TGM4: variants seen among roughly 807,000 people sequenced by gnomAD.
TGM4 encodes transglutaminase 4.
TGM4 carries 61 observed loss-of-function variants against 76.3 expected under a neutral mutation model. That is an observed-to-expected ratio of 0.80 (90% CI 0.65 to 0.99). The LOEUF (loss-of-function observed/expected upper bound fraction) is 0.99. Ranked by LOEUF, TGM4 falls within the 50% of genes least tolerant of loss-of-function variation. The pLI, the probability that TGM4 is intolerant of heterozygous loss-of-function variation, is 0.00. For missense variants in TGM4, 794 were observed against 843.2 expected, an observed-to-expected ratio of 0.94 and a Z score of 0.72; for synonymous variants, 337 against 329.8, an observed-to-expected ratio of 1.02 and a Z score of -0.24.
intron 8 of TGM4, chr3:44,903,452 T>C (rs1231502372): frequency 1.3e-5 from 2 of 154,550 alleles, no homozygotes; most frequent in African/African-American, 2.4e-5. Flanking sequence ...ACAGTTGTAA[T>C]CTTTTACTAG....
chr3:44,903,932 C>T lies in TGM4; in HGVS notation c.1020C>T (p.Pro340=). The change falls in exon 9 of 14, where the codon CCC becomes CCT. Residue 340 remains proline (P), a synonymous_variant. Transcript: ENST00000296125. The part of the protein sequence containing the change: ...TDAWMKRPDL[P]KGYDGWQAVD... ...CCTGGATGAAGCGACCGGATCTGCC[C>T]AAGGGCTACGACGGCTGGCAGGCTG... 6.2e-7 allele frequency: 1 copy of T among 1,614,196 alleles called. No individual in the cohort carries two copies. The highest frequency in any genetic ancestry group is 8.5e-7 in the Non-Finnish European group (1 of 1,180,042).
intron 1 of TGM4, among the ~76,000 whole-genome samples, chr3:44,880,475 G>T (rs1699517310): frequency 6.6e-6 from 1 of 152,176 alleles, no homozygotes; most frequent in African/African-American, 2.4e-5. Flanking sequence ...AAGCACTCTG[G>T]GAAGGAGACT....
At chr3:44,889,388 G>A (rs1699658282) in intron 3 of TGM4, among the ~76,000 whole-genome samples, 1 of 151,972 alleles carries the variant, frequency 6.6e-6, no homozygotes, top group Non-Finnish European at 1.5e-5. Flanking sequence ...CACATCCTAT[G>A]TCAACCCTTT....
intron 9 of TGM4, among the ~76,000 whole-genome samples, chr3:44,906,337 C>T (rs779873422): frequency 5.9e-5 from 9 of 152,088 alleles, no homozygotes; most frequent in Non-Finnish European, 1.2e-4. Flanking sequence ...TTGTCAATGA[C>T]TAATAAGGGA....
chr3:44,885,466 C>A lies in TGM4; in HGVS notation c.161C>A (p.Ser54Tyr). The A allele has an allele frequency of 6.2e-7, 1 of 1,612,512 alleles. No individual in the cohort carries two copies. The highest frequency in any genetic ancestry group is 8.5e-7 in the Non-Finnish European group (1 of 1,179,528). ...LRLVLNQPLQ[S>Y]YHQLKLEFST... ...CTGGTGCTGAACCAGCCCCTACAAT[C>A]CTACCACCAACTGAAACTGGAATTC... is the stretch of plus-strand genomic sequence containing the variant. The change falls in exon 2 of 14, where the codon TCC (serine) becomes TAC (tyrosine). Residue 54 changes from serine (S) to tyrosine (Y), a missense_variant. Physicochemically the swap from Ser to Tyr is moderately radical, Grantham distance 144. Transcript: ENST00000296125.
intron 1 of TGM4, among the ~76,000 whole-genome samples, chr3:44,883,468 C>A (rs547749984): frequency 2.6e-5 from 4 of 152,324 alleles, no homozygotes; most frequent in South Asian, 2.1e-4. Context: ...GACTTCCCAG[C>A]CTCCAGAACT....
intron 1 of TGM4, among the ~76,000 whole-genome samples, chr3:44,883,444 G>A (rs1559609616): frequency 6.6e-6 from 1 of 152,194 alleles, no homozygotes; most frequent in African/African-American, 2.4e-5. Flanking sequence ...CCAGATGCTA[G>A]TGCCTTGATC....
At chr3:44,910,892 T>C (rs1345965227) in intron 11 of TGM4, 66 bp from the exon 12 acceptor site, 21 of 1,537,856 alleles carry the variant, frequency 1.4e-5, no homozygotes, top group Non-Finnish European at 1.9e-5. Context: ...CTGTGCTTGA[T>C]GAGGAGAACT....
intron 6 of TGM4, among the ~76,000 whole-genome samples, chr3:44,898,304 G>A (rs1312910048): frequency 2.0e-5 from 3 of 151,604 alleles, no homozygotes; most frequent in East Asian, 1.9e-4. Flanking sequence ...AAAAAGAAGC[G>A]GGGCGGGGGC....
chr3:44,903,577 C>T (rs1699882119), intron 8 of TGM4: 8 of 360,394 alleles, frequency 2.2e-5, no homozygotes, highest in East Asian at 5.5e-5. Context: ...AGTTCTGCTT[C>T]GAGTTCACCA....
chr3:44,891,578 A>G (rs139524198), intron 4 of TGM4, among the ~76,000 whole-genome samples: 43 of 152,248 alleles, frequency 2.8e-4, no homozygotes, highest in African/African-American at 9.1e-4. Context: ...AGTAAGTTAC[A>G]TATAAGTTGG....
chr3:44,878,222 A>G (rs912529538), intron 1 of TGM4, among the ~76,000 whole-genome samples: 1 of 151,828 alleles, frequency 6.6e-6, no homozygotes, highest in Admixed American at 6.6e-5. Context: ...AAATTTCAAG[A>G]CATGTGTGTG....
intron 11 of TGM4, 117 bp from the exon 12 acceptor site, chr3:44,910,841 C>A: frequency 8.4e-7 from 1 of 1,196,928 alleles, no homozygotes; most frequent in Non-Finnish European, 1.2e-6. Flanking sequence ...TGGGACATGT[C>A]CAAAGTTATC....
rs1186623947 is a variant in TGM4 at position 44,907,089 on chromosome 3, G to T, written c.1216G>T (p.Glu406Ter). ...WLVKMVNGQE[E>*]LHVISMETTS... ...GGTGAAGATGGTGAATGGGCAGGAG[G>T]AGTTACACGTAATTTCAATGGAGAC... The change falls in exon 10 of 14, where the codon GAG becomes TAG. Residue 406 changes from glutamate (E) to a stop codon, truncating the protein, a stop_gained. Transcript: ENST00000296125. LOFTEE classifies it high-confidence loss of function. 1 of 1,614,142 alleles carries T rather than the reference G, an allele frequency of 6.2e-7. No homozygotes were observed.
chr3:44,886,424 T>A (rs573465316), intron 2 of TGM4, among the ~76,000 whole-genome samples: 26 of 152,346 alleles, frequency 1.7e-4, no homozygotes, highest in Admixed American at 3.9e-4. Context: ...TTGCTCCTTC[T>A]CTGAGTGAAC....
intron 13 of TGM4, 36 bp downstream of exon 13, chr3:44,911,442 C>T: frequency 6.2e-7 from 1 of 1,610,820 alleles, no homozygotes; most frequent in Non-Finnish European, 8.5e-7. Flanking sequence ...AAATATGCTT[C>T]TGGACATATA....
chr3:44,881,390 A>T (rs572584354), intron 1 of TGM4, among the ~76,000 whole-genome samples: 4 of 152,330 alleles, frequency 2.6e-5, no homozygotes, highest in African/African-American at 9.6e-5. Flanking sequence ...CTTATAAAAG[A>T]ATACCTAAAA....
intron 6 of TGM4, among the ~76,000 whole-genome samples, chr3:44,897,658 T>C (rs925268065): frequency 1.3e-5 from 2 of 152,220 alleles, no homozygotes; most frequent in South Asian, 2.1e-4. Context: ...TTAAAAATTA[T>C]TAAGGACCCC....
At position 44,896,785 on chromosome 3, in the gene TGM4, C is replaced by G; in HGVS notation, c.626C>G (p.Pro209Arg). 1 of 1,614,158 alleles carries G rather than the reference C, an allele frequency of 6.2e-7. No individual in the cohort carries two copies. The highest frequency in any genetic ancestry group is 8.5e-7 in the Non-Finnish European group (1 of 1,180,028). ...SSLKPTDRRD[P>R]VLVCRAMCAM... is the part of the protein sequence containing the mutation. The stretch of plus-strand genomic sequence containing the variant: ...CTCAAGCCCACAGATAGGAGGGACC[C>G]CGTGCTGGTGTGCAGGGCCATGTGT... The change falls in exon 6 of 14, where the codon CCC becomes CGC. Residue 209 changes from proline (P) to arginine (R), a missense_variant. Coordinates refer to ENST00000296125, the MANE Select transcript of TGM4 (RefSeq NM_003241.4).
Sources: gnomAD v4.1 joint callset for allele counts (sites outside exome capture counted in the v4.1 genomes callset) on GRCh38, gnomAD v4.1.1 for gene constraint, MANE v1.5 for transcripts, NCBI Gene and HGNC (gene_info 2026-07-23, HGNC 2026-07-21) for gene names.